The following ERAP1 variants were observed in gnomAD, a reference collection of about 807,000 sequenced individuals.
ERAP1 encodes adipocyte-derived leucine aminopeptidase.
ERAP1 carries 86 observed loss-of-function variants against 103.7 expected under a neutral mutation model. The observed-to-expected ratio is 0.83, with a 90% CI of 0.70 to 0.99. The LOEUF (loss-of-function observed/expected upper bound fraction) is 0.99, where lower values mean the gene tolerates loss of function less well. Ranked by LOEUF, ERAP1 falls within the 50% of genes least tolerant of loss-of-function variation. The probability of loss-of-function intolerance (pLI) is 0.00; values close to 1 mark genes in which losing one functional copy is unlikely to be tolerated. For synonymous variants in ERAP1, 398 were observed against 402.4 expected (o/e 0.99, Z 0.13); for missense variants, 1,009 against 1,128.4 (o/e 0.89, Z 1.52).
At chr5:96,928,857 G>A in the ERAP1 span, among the ~76,000 whole-genome samples, 11 of 152,186 alleles carry the variant, frequency 7.2e-5, no homozygotes, top group African/African-American at 2.7e-4. Context: ...AGAAGCTGGT[G>A]ATCAGCAGCT....
At chr5:96,884,299 TA>T in the ERAP1 span, among the ~76,000 whole-genome samples, 5 of 152,206 alleles carry the variant, frequency 3.3e-5, no homozygotes, top group Non-Finnish European at 7.3e-5. Flanking sequence ...AGAATCTTGC[TA>T]AAACTCAGAT....
chr5:96,927,418 G>A, the ERAP1 span, among the ~76,000 whole-genome samples: 1 of 152,132 alleles, frequency 6.6e-6, no homozygotes, highest in Non-Finnish European at 1.5e-5. Flanking sequence ...ACACTGAACA[G>A]CTTTTCATGT....
intron 1 of ERAP1, among the ~76,000 whole-genome samples, chr5:96,807,400 C>G (rs376241326): frequency 6.6e-6 from 1 of 152,210 alleles, no homozygotes; most frequent in Non-Finnish European, 1.5e-5. Context: ...CTCCTCAGCC[C>G]GAGCCAGCTG....
the ERAP1 span, among the ~76,000 whole-genome samples, chr5:96,824,018 G>A: frequency 6.6e-6 from 1 of 152,154 alleles, no homozygotes; most frequent in Non-Finnish European, 1.5e-5. Flanking sequence ...GGATATGCTG[G>A]GCAACGTGAT....
the ERAP1 span, among the ~76,000 whole-genome samples, chr5:96,830,668 A>C: frequency 6.6e-6 from 1 of 152,270 alleles, no homozygotes; most frequent in African/African-American, 2.4e-5. Context: ...TATGAAGTCG[A>C]AAGCAAGCCA....
At chr5:96,874,220 C>T in the ERAP1 span, among the ~76,000 whole-genome samples, 2 of 151,388 alleles carry the variant, frequency 1.3e-5, no homozygotes, top group African/African-American at 2.4e-5. Flanking sequence ...AGTTAGGAGC[C>T]CATTTTGCTG....
chr5:96,883,857 C>T, the ERAP1 span: 18,244 of 1,613,618 alleles, frequency 0.011, 708 homozygotes, highest in East Asian at 0.095. Flanking sequence ...TTTGATGAAC[C>T]GTTGTTCAAA....
At chr5:96,891,527 G>GGT in the ERAP1 span, among the ~76,000 whole-genome samples, 1 of 46,580 alleles carries the variant, frequency 2.1e-5, no homozygotes, top group Admixed American at 2.5e-4. Context: ...GCCCATATAC[G>GGT]GTATATATAC....
the ERAP1 span, among the ~76,000 whole-genome samples, chr5:96,915,235 C>G: frequency 5.3e-4 from 81 of 152,256 alleles, no homozygotes; most frequent in South Asian, 0.016. Flanking sequence ...TCTCAAACTC[C>G]TGACCTCAGG....
the ERAP1 span, chr5:96,917,726 G>C: frequency 1.5e-6 from 1 of 686,000 alleles, no homozygotes; most frequent in East Asian, 3.9e-5. Flanking sequence ...CTAACACGGT[G>C]AGACCCCGTC....
chr5:96,902,483 C>G, the ERAP1 span: 1 of 587,468 alleles, frequency 1.7e-6, no homozygotes, highest in Non-Finnish European at 3.0e-6. Flanking sequence ...TGTCATTTAT[C>G]CATATGTTAC....
the ERAP1 span, among the ~76,000 whole-genome samples, chr5:96,898,515 G>A: frequency 1.2e-4 from 17 of 144,412 alleles, no homozygotes; most frequent in African/African-American, 4.4e-4. Flanking sequence ...ACCGAGGTGG[G>A]CAAATTGCCT....
the ERAP1 span, among the ~76,000 whole-genome samples, chr5:96,834,010 C>T: frequency 6.6e-6 from 1 of 152,100 alleles, no homozygotes; most frequent in Non-Finnish European, 1.5e-5. Flanking sequence ...AGTAAAGTTG[C>T]TAATTGGGTA....
chr5:96,827,120 C>T, the ERAP1 span, among the ~76,000 whole-genome samples: 1 of 152,218 alleles, frequency 6.6e-6, no homozygotes, highest in Non-Finnish European at 1.5e-5. Context: ...AGACTCCCCT[C>T]TAATTCTGGC....
chr5:96,901,598 C>T, the ERAP1 span: 76 of 1,614,106 alleles, frequency 4.7e-5, no homozygotes, highest in Admixed American at 6.7e-5. Context: ...TTAAACAAGA[C>T]GGGTGTTCAC....
the ERAP1 span, chr5:96,912,902 T>A: frequency 1.1e-6 from 1 of 889,778 alleles, no homozygotes; most frequent in Admixed American, 3.1e-5. Context: ...GATAATTGAA[T>A]CAGAATGTGT....
chr5:96,857,114 T>C, the ERAP1 span, among the ~76,000 whole-genome samples: 7 of 152,316 alleles, frequency 4.6e-5, no homozygotes, highest in African/African-American at 1.7e-4. Context: ...CTGCATCTGC[T>C]CTTCTCTTTG....
At chr5:96,822,683 C>G in the ERAP1 span, among the ~76,000 whole-genome samples, 1 of 103,856 alleles carries the variant, frequency 9.6e-6, no homozygotes, top group Non-Finnish European at 1.9e-5. Flanking sequence ...TGAGATCAGC[C>G]TTGGTAACAT....
the ERAP1 span, among the ~76,000 whole-genome samples, chr5:96,901,981 C>A: frequency 6.6e-6 from 1 of 152,146 alleles, no homozygotes; most frequent in Admixed American, 6.6e-5. Context: ...TTTTCTTTCC[C>A]ATACAAACAG....
Sources: allele counts gnomAD v4.1 joint callset (sites outside exome capture counted in the v4.1 genomes callset), GRCh38; gene constraint gnomAD v4.1.1; transcripts MANE v1.5; gene names NCBI Gene and HGNC (gene_info 2026-07-23, HGNC 2026-07-21).